The following MTHFS variants were observed in gnomAD, a reference collection of about 807,000 sequenced individuals.
MTHFS encodes methenyltetrahydrofolate synthetase.
In MTHFS, 7 loss-of-function variants were observed where a neutral mutation model predicts 12.7. The ratio of observed to expected loss-of-function variants is 0.55; its 90% confidence interval spans 0.31 to 1.03. The LOEUF (loss-of-function observed/expected upper bound fraction) is 1.03. MTHFS is among the 50% of genes least tolerant of loss of function. MTHFS has a pLI of 0.05. For synonymous variants in MTHFS, 100 were observed against 97.1 expected (o/e 1.03, Z -0.18); for missense variants, 252 against 258.1 (o/e 0.98, Z 0.16).
At chr15:79,886,965 G>A (rs2034393497) in intron 2 of MTHFS, among the ~76,000 whole-genome samples, 1 of 152,148 alleles carries the variant, frequency 6.6e-6, no homozygotes, top group Non-Finnish European at 1.5e-5. Context: ...CATAGGCCGG[G>A]CACGGTGGCC....
rs146029890 is a variant in MTHFS, at chr15:79,850,652, T to C, written c.380-5210A>G. On this transcript the variant is annotated intron_variant, in intron 2 of 2. Transcript: ENST00000258874. ...AGAGAAGTAGACGCAGTGTCAAATG[T>C]GGCAGAATGGACAAGTAAGGTAAGG... Among the ~76,000 whole-genome samples, 7 of 152,298 alleles carry C rather than the reference T, an allele frequency of 4.6e-5. No individual in the cohort carries two copies. The South Asian group carries it at 6.2e-4, about 14-fold the overall frequency.
At chr15:79,878,428 C>A (rs118019660) in intron 2 of MTHFS, among the ~76,000 whole-genome samples, 1 of 151,028 alleles carries the variant, frequency 6.6e-6, no homozygotes, top group Non-Finnish European at 1.5e-5. Context: ...AGAGGCAAGA[C>A]AAGACGGTTA....
At chr15:79,848,373 T>C (rs2033656476) in intron 2 of MTHFS, among the ~76,000 whole-genome samples, 1 of 152,228 alleles carries the variant, frequency 6.6e-6, no homozygotes, top group Non-Finnish European at 1.5e-5. Context: ...TGCCATTCAA[T>C]GGATACAGAG....
intron 2 of MTHFS, among the ~76,000 whole-genome samples, chr15:79,872,853 C>T (rs1566993423): frequency 6.6e-6 from 1 of 152,176 alleles, no homozygotes; most frequent in Non-Finnish European, 1.5e-5. Context: ...TGGACCACAT[C>T]CTGTTTTGGT....
Position 79,845,121 on chromosome 15 carries a change from T to C in MTHFS, c.*89A>G, listed in dbSNP as rs1596057828. 3 of 1,515,636 alleles carry C rather than the reference T, an allele frequency of 2.0e-6. No individual in the cohort carries two copies. Among genetic ancestry groups the C allele is most frequent in the South Asian group, 2.5e-5 (2 of 78,824 alleles). The allele number at this position is 1,515,636 out of a possible 1,614,324, so 93.9% of individuals were successfully genotyped here. ...AGTCTGTATTCACATTAATGAACAATTTCAACTAATTTTTGACAAGGGAAA... is the reference window on the plus strand; with the variant it reads ...AGTCTGTATTCACATTAATGAACAACTTCAACTAATTTTTGACAAGGGAAA... On this transcript the variant is annotated 3_prime_UTR_variant, in exon 3 of 3. Transcript: ENST00000258874.
intron 1 of MTHFS, among the ~76,000 whole-genome samples, chr15:79,893,589 T>C (rs529431554): frequency 5.1e-4 from 77 of 150,902 alleles, no homozygotes; most frequent in African/African-American, 1.9e-3. Flanking sequence ...TCCCAGCTAC[T>C]TGTGAAGCTG....
At chr15:79,865,633 A>G (rs940651020) in intron 2 of MTHFS, among the ~76,000 whole-genome samples, 2 of 152,114 alleles carry the variant, frequency 1.3e-5, no homozygotes, top group African/African-American at 4.8e-5. Flanking sequence ...AACGAGGAAG[A>G]CCACCTCAGC....
intron 2 of MTHFS, chr15:79,876,511 A>T (rs926510803): frequency 1.3e-5 from 2 of 150,906 alleles, no homozygotes; most frequent in Non-Finnish European, 2.9e-5. Flanking sequence ...GCTACTCAGG[A>T]GGCTGAGGCA....
At chr15:79,849,742 C>T (rs1269594215) in intron 2 of MTHFS, among the ~76,000 whole-genome samples, 3 of 152,260 alleles carry the variant, frequency 2.0e-5, no homozygotes, top group African/African-American at 7.2e-5. Flanking sequence ...ACTTGCTTCA[C>T]ATTCTGTGTT....
At chr15:79,852,465 A>T (rs1159640211) in intron 2 of MTHFS, among the ~76,000 whole-genome samples, 2 of 152,190 alleles carry the variant, frequency 1.3e-5, no homozygotes, top group Non-Finnish European at 2.9e-5. Context: ...GTTAATTTTT[A>T]AAAATTACAT....
At chr15:79,876,285 T>C (rs991121062) in intron 2 of MTHFS, 2 of 152,076 alleles carry the variant, frequency 1.3e-5, no homozygotes, top group African/African-American at 2.4e-5. Context: ...CCATTATGAA[T>C]ATGAGCCAAG....
chr15:79,850,122 A>T (rs1407036705), intron 2 of MTHFS, among the ~76,000 whole-genome samples: 1 of 152,246 alleles, frequency 6.6e-6, no homozygotes, highest in East Asian at 1.9e-4. Context: ...GTATTAGATA[A>T]TGCAACATAT....
chr15:79,879,805 T>G (rs1468379664), intron 2 of MTHFS, among the ~76,000 whole-genome samples: 1 of 152,150 alleles, frequency 6.6e-6, no homozygotes, highest in Non-Finnish European at 1.5e-5. Flanking sequence ...TGCACACATA[T>G]ATACACACAA....
At chr15:79,877,294 G>A (rs2034214908) in intron 2 of MTHFS, 1 of 151,966 alleles carries the variant, frequency 6.6e-6, no homozygotes, top group South Asian at 2.1e-4. Context: ...AGACAATGTG[G>A]CAGGAAAAAA....
chr15:79,877,585 T>C (rs11635091), intron 2 of MTHFS: 54,160 of 151,614 alleles, frequency 0.36, 9,889 homozygotes, highest in East Asian at 0.49. Flanking sequence ...CCTGTAGTCC[T>C]AGCTACTTGG....
At chr15:79,882,463 C>T (rs186128550) in intron 2 of MTHFS, among the ~76,000 whole-genome samples, 49 of 152,332 alleles carry the variant, frequency 3.2e-4, no homozygotes, top group African/African-American at 1.0e-3. Flanking sequence ...TTACAGCACT[C>T]GGGCTCAGGA....
At chr15:79,857,138 G>A (rs970481208) in intron 2 of MTHFS, among the ~76,000 whole-genome samples, 4 of 151,928 alleles carry the variant, frequency 2.6e-5, no homozygotes, top group African/African-American at 9.7e-5. Context: ...TGGGATTACA[G>A]GCATGCACCA....
chr15:79,860,166 A>T (rs1402397545), intron 2 of MTHFS, among the ~76,000 whole-genome samples: 2 of 152,058 alleles, frequency 1.3e-5, no homozygotes, highest in Non-Finnish European at 2.9e-5. Flanking sequence ...GAGGTGGGCA[A>T]ATCACGAGGT....
chr15:79,883,509 G>T (rs779210320), intron 2 of MTHFS, among the ~76,000 whole-genome samples: 6 of 152,092 alleles, frequency 3.9e-5, no homozygotes, highest in Admixed American at 6.5e-5. Flanking sequence ...CTTCCAAAAA[G>T]AATTAATAAA....
Sources: gnomAD v4.1 joint callset for allele counts (sites outside exome capture counted in the v4.1 genomes callset) on GRCh38, gnomAD v4.1.1 for gene constraint, MANE v1.5 for transcripts, NCBI Gene and HGNC (gene_info 2026-07-23, HGNC 2026-07-21) for gene names.